The following NUP210L variants were observed in gnomAD, a reference collection of about 807,000 sequenced individuals.
NUP210L encodes nucleoporin 210 like, also known as nuclear pore membrane glycoprotein 210-like.
In NUP210L, 74 loss-of-function variants were observed where a neutral mutation model predicts 208.5. The observed-to-expected ratio is 0.35, with a 90% confidence interval of 0.29 to 0.43. NUP210L has a LOEUF of 0.43. NUP210L is among the 20% of genes least tolerant of loss of function. The pLI is 1.00. For synonymous variants in NUP210L, 780 were observed against 816.9 expected, an observed-to-expected ratio of 0.95 and a Z score of 0.77; for missense variants, 1,843 against 2,289.4, an observed-to-expected ratio of 0.81 and a Z score of 3.98.
chr1:154,005,543 G>A (rs1650475373), intron 35 of NUP210L, among the ~76,000 whole-genome samples: 1 of 150,610 alleles, frequency 6.6e-6, no homozygotes, highest in Non-Finnish European at 1.5e-5. Context: ...TTGTTTGTTT[G>A]TTTGTTTTTT....
intron 33 of NUP210L, among the ~76,000 whole-genome samples, chr1:154,016,182 G>T (rs1412033041): frequency 6.6e-6 from 1 of 151,890 alleles, no homozygotes; most frequent in African/African-American, 2.4e-5. Context: ...CTTGAAACCA[G>T]GAGTTTGAGG....
At chr1:154,040,331 A>C (rs976317332) in intron 27 of NUP210L, among the ~76,000 whole-genome samples, 1 of 151,908 alleles carries the variant, frequency 6.6e-6, no homozygotes, top group Non-Finnish European at 1.5e-5. Flanking sequence ...TTGAGCCTAG[A>C]AGTTTGAGAT....
chr1:154,090,641 T>C (rs995446297), intron 15 of NUP210L, among the ~76,000 whole-genome samples: 4 of 151,948 alleles, frequency 2.6e-5, no homozygotes, highest in African/African-American at 9.7e-5. Context: ...TGAAACCCCG[T>C]CTCTACTAAA....
intron 27 of NUP210L, 115 bp downstream of exon 27, chr1:154,045,954 C>T (rs1653149689): frequency 1.0e-6 from 1 of 978,284 alleles, no homozygotes; most frequent in Non-Finnish European, 1.5e-6. Context: ...CACTGCACTC[C>T]AGCCTGGGGG....
intron 2 of NUP210L, among the ~76,000 whole-genome samples, chr1:154,151,424 T>C (rs1035601486): frequency 2.0e-5 from 3 of 151,888 alleles, no homozygotes; most frequent in African/African-American, 7.3e-5. Context: ...TGTGAGAACA[T>C]TAAGAGGGCC....
chr1:153,997,156 T>G (rs565834711), intron 37 of NUP210L, among the ~76,000 whole-genome samples: 17 of 151,498 alleles, frequency 1.1e-4, no homozygotes, highest in African/African-American at 3.9e-4. Flanking sequence ...TAGAGATGGG[T>G]TTTCACCATG....
At chr1:154,062,836 T>C (rs548858198) in intron 17 of NUP210L, among the ~76,000 whole-genome samples, 197 of 152,204 alleles carry the variant, frequency 1.3e-3, no homozygotes, top group Middle Eastern at 3.4e-3. Context: ...TGCCTCAGCC[T>C]CCTAAAGTGC....
rs554193247 is a variant in NUP210L at position 154,056,784 on chromosome 1, G to T, written c.3240+31C>A. 1.7e-5 allele frequency: 26 copies of T among 1,543,110 alleles called. No homozygotes were observed. The South Asian group carries it at 2.5e-4, about 15-fold the overall frequency. On this transcript the variant is annotated intron_variant, in intron 23 of 39. Coordinates refer to ENST00000368559, the Ensembl canonical transcript of NUP210L. The stretch of plus-strand genomic sequence containing the variant: ...GACAAATGATGTTAAGCAAGAAAAA[G>T]TACAAATTTTGGATGAGATAATTTC...
intron 27 of NUP210L, among the ~76,000 whole-genome samples, chr1:154,038,348 T>A (rs548559405): frequency 6.6e-6 from 1 of 150,976 alleles, no homozygotes; most frequent in African/African-American, 2.4e-5. Flanking sequence ...TTTTTTTTTT[T>A]TTTTTATTTT....
chr1:154,061,142 G>T, intron 18 of NUP210L, 96 bp from the exon 19 acceptor site: 2 of 793,014 alleles, frequency 2.5e-6, no homozygotes, highest in Non-Finnish European at 4.2e-6. Context: ...CTTTGGGAGG[G>T]TAAGGCAGGC....
chr1:154,114,249 T>C (rs751272949), intron 12 of NUP210L, among the ~76,000 whole-genome samples: 10 of 152,008 alleles, frequency 6.6e-5, no homozygotes, highest in Non-Finnish European at 1.5e-4. Flanking sequence ...GCCACGATTG[T>C]GCCACTGCAT....
intron 33 of NUP210L, among the ~76,000 whole-genome samples, chr1:154,015,280 T>TAA (rs35604037): frequency 1.1e-4 from 14 of 133,208 alleles, no homozygotes; most frequent in African/African-American, 2.5e-4. Context: ...TACTGGATGT[T>TAA]AAAAAAAAAA....
At chr1:154,095,584 A>G (rs140364971) in intron 14 of NUP210L, among the ~76,000 whole-genome samples, 4 of 152,268 alleles carry the variant, frequency 2.6e-5, no homozygotes, top group Admixed American at 2.0e-4. Flanking sequence ...TTGTTTTAGT[A>G]TTTCTCTTCT....
Position 154,058,556 on chromosome 1 carries a change from A to T in NUP210L, c.2979+9T>A, listed in dbSNP as rs367832757. 6.2e-7 allele frequency: 1 copy of T among 1,606,286 alleles called. No individual in the cohort carries two copies. Among genetic ancestry groups the T allele is most frequent in the African/African-American group, 1.3e-5 (1 of 74,432 alleles). On this transcript the variant is annotated intron_variant, in intron 21 of 39. Coordinates refer to ENST00000368559, the Ensembl canonical transcript of NUP210L. Reference sequence around the variant, plus strand: ...GCTTAATTTCTGAGATAAAACAAACATGTCTCACCTTATCAATCAGATCAA... The same window carrying T: ...GCTTAATTTCTGAGATAAAACAAACTTGTCTCACCTTATCAATCAGATCAA...
At chr1:154,119,694 T>C (rs1571296553) in intron 10 of NUP210L, among the ~76,000 whole-genome samples, 1 of 151,988 alleles carries the variant, frequency 6.6e-6, no homozygotes, top group African/African-American at 2.4e-5. Context: ...ATATGTGGGG[T>C]CCTGAAACCA....
intron 12 of NUP210L, among the ~76,000 whole-genome samples, chr1:154,116,299 C>G (rs1657328761): frequency 1.3e-5 from 2 of 151,292 alleles, no homozygotes; most frequent in Admixed American, 6.6e-5. Flanking sequence ...TGGCGGGTGC[C>G]TGTAGTCCCA....
At chr1:153,999,089 G>A (rs1406741705) in intron 37 of NUP210L, among the ~76,000 whole-genome samples, 1 of 152,048 alleles carries the variant, frequency 6.6e-6, no homozygotes, top group Non-Finnish European at 1.5e-5. Flanking sequence ...GCATATAAAT[G>A]TGCTTAGGAT....
In NUP210L at chr1:154,046,212, T is replaced by C; in HGVS notation, c.3565-12A>G. ...ACATAAACTGGCATCTGAAAATAAATAGCAGCATTGTGCTATATATTCTGC... is the reference window on the plus strand; with the variant it reads ...ACATAAACTGGCATCTGAAAATAAACAGCAGCATTGTGCTATATATTCTGC... On this transcript the variant is annotated splice_polypyrimidine_tract_variant and intron_variant, in intron 26 of 39. Transcript: ENST00000368559. 1 of 1,614,056 alleles carries C rather than the reference T, an allele frequency of 6.2e-7. No individual in the cohort carries two copies. Among genetic ancestry groups the C allele is most frequent in the Non-Finnish European group, 8.5e-7 (1 of 1,180,002 alleles).
At chr1:154,134,151 A>C (rs1658394723) in intron 7 of NUP210L, among the ~76,000 whole-genome samples, 1 of 146,884 alleles carries the variant, frequency 6.8e-6, no homozygotes, top group Non-Finnish European at 1.5e-5. Flanking sequence ...ACTCCACCTC[A>C]AAAAAAAAAT....
Sources: gnomAD v4.1 joint callset for allele counts (sites outside exome capture counted in the v4.1 genomes callset) on GRCh38, gnomAD v4.1.1 for gene constraint, MANE v1.5 for transcripts, NCBI Gene and HGNC (gene_info 2026-07-23, HGNC 2026-07-21) for gene names.